JAK1: variants seen among roughly 807,000 people sequenced by gnomAD.
The protein encoded by JAK1 is tyrosine-protein kinase JAK1.
In JAK1, 16 loss-of-function variants were observed where a neutral mutation model predicts 136.6. That is an observed-to-expected ratio of 0.12 (90% CI 0.08 to 0.18). The LOEUF (loss-of-function observed/expected upper bound fraction) is 0.18, where lower values mean the gene tolerates loss of function less well. JAK1 is among the 10% of genes least tolerant of loss of function. The probability of loss-of-function intolerance (pLI) is 1.00; values close to 1 mark genes in which losing one functional copy is unlikely to be tolerated. For missense variants in JAK1, 859 were observed against 1,450.1 expected (o/e 0.59, Z 6.62); for synonymous variants, 492 against 519.5 (o/e 0.95, Z 0.72).
intron 2 of JAK1, among the ~76,000 whole-genome samples, chr1:64,980,768 C>T (rs565321390): frequency 3.3e-4 from 50 of 152,120 alleles, no homozygotes; most frequent in African/African-American, 1.2e-3. Context: ...GTTCCCCTTC[C>T]TGTGTCCGAG....
chr1:65,036,684 G>T (rs951953701), intron 2 of JAK1, among the ~76,000 whole-genome samples: 6 of 152,180 alleles, frequency 3.9e-5, no homozygotes, highest in Non-Finnish European at 5.9e-5. Context: ...CAAGAGTAAA[G>T]AAGAGCTGTG....
At chr1:65,059,598 C>A (rs1202948927) in intron 1 of JAK1, among the ~76,000 whole-genome samples, 1 of 152,102 alleles carries the variant, frequency 6.6e-6, no homozygotes, top group Non-Finnish European at 1.5e-5. Context: ...ATTATCTGTA[C>A]CTTTGAGACG....
At chr1:64,880,182 G>C (rs1367572107) in intron 3 of JAK1, among the ~76,000 whole-genome samples, 1 of 152,170 alleles carries the variant, frequency 6.6e-6, no homozygotes, top group Admixed American at 6.5e-5. Flanking sequence ...AGAAGCTACA[G>C]ATACCTTGGC....
rs907263592 is a variant in JAK1 at position 64,833,525 on chromosome 1, G to T, written c.*1037C>A. 1 of 232,888 alleles carries T rather than the reference G, an allele frequency of 4.3e-6. No homozygotes were observed. Among genetic ancestry groups the T allele is most frequent in the Non-Finnish European group, 8.5e-6 (1 of 117,868 alleles). 14.4% of individuals were successfully genotyped at this position (232,888 alleles called of 1,614,324 possible). On this transcript the variant is annotated 3_prime_UTR_variant, in exon 25 of 25. Coordinates refer to ENST00000342505, the MANE Select transcript of JAK1 (RefSeq NM_002227.4). Reference sequence around the variant, plus strand: ...TTACCCAGCTACCTCCAAGCAAACTGAAAACTGTCTAGTGGATCCTGAAGT... The same window carrying T: ...TTACCCAGCTACCTCCAAGCAAACTTAAAACTGTCTAGTGGATCCTGAAGT...
chr1:65,008,521 T>C (rs571988242), intron 2 of JAK1, among the ~76,000 whole-genome samples: 1 of 152,126 alleles, frequency 6.6e-6, no homozygotes, highest in East Asian at 1.9e-4. Context: ...ATCCTCCCAC[T>C]ATGGCCTCCC....
intron 1 of JAK1, among the ~76,000 whole-genome samples, chr1:65,061,327 G>C (rs998177781): frequency 6.6e-6 from 1 of 152,100 alleles, no homozygotes; most frequent in Non-Finnish European, 1.5e-5. Context: ...GCTTGAACAT[G>C]AAAGGCTGAG....
upstream of JAK1, among the ~76,000 whole-genome samples, chr1:64,970,157 G>A (rs1381393965): frequency 5.0e-4 from 11 of 21,928 alleles, 1 homozygote; most frequent in South Asian, 0.011. Context: ...AAAAAAAAAC[G>A]GCCGGGCACA....
chr1:64,862,288 A>G (rs894861677), intron 8 of JAK1, among the ~76,000 whole-genome samples: 1 of 152,148 alleles, frequency 6.6e-6, no homozygotes, highest in Non-Finnish European at 1.5e-5. Flanking sequence ...ATGGTCAAAT[A>G]TTGGCAATTT....
chr1:64,837,784 ATATC>A, intron 22 of JAK1, 144 bp downstream of exon 22: 1 of 573,274 alleles, frequency 1.7e-6, no homozygotes, highest in Non-Finnish European at 2.9e-6. Context: ...TTGAAGATAA[ATATC>A]AATCAATTCC....
At chr1:64,985,852 C>A in intron 2 of JAK1, 1 of 615,454 alleles carries the variant, frequency 1.6e-6, no homozygotes, top group Non-Finnish European at 3.0e-6. Context: ...ACAAACAGTC[C>A]AACAGAAAAG....
chr1:64,976,942 T>A (rs1021622819), intron 2 of JAK1, among the ~76,000 whole-genome samples: 1 of 152,180 alleles, frequency 6.6e-6, no homozygotes, highest in Non-Finnish European at 1.5e-5. Context: ...CCCTTAAGTC[T>A]GAGCTCCAGA....
Position 64,891,434 on chromosome 1 carries a change from T to C in JAK1, c.-77-5093A>G, listed in dbSNP as rs144213607. ...CTCCAACACTCTTCCTTCTGTAGAC[T>C]GAAAGGACTGTCATTTAAAAAATCA... On this transcript the variant is annotated intron_variant, in intron 1 of 24. Transcript: ENST00000342505. Among the ~76,000 whole-genome samples the C allele has an allele frequency of 3.3e-5, 5 of 152,326 alleles. No homozygotes were observed. In the East Asian group the frequency reaches 7.7e-4, roughly 24 times the overall value.
intron 1 of JAK1, among the ~76,000 whole-genome samples, chr1:65,067,134 G>GGGGCCCGGCC (rs1557784595): frequency 6.6e-6 from 1 of 151,816 alleles, no homozygotes; most frequent in South Asian, 2.1e-4. Context: ...CCGGAGTGCG[G>GGGGCCCGGCC]AGGCCCGGCC....
At chr1:64,858,037 C>T (rs376388365) in intron 9 of JAK1, among the ~76,000 whole-genome samples, 8 of 152,160 alleles carry the variant, frequency 5.3e-5, no homozygotes, top group Admixed American at 2.6e-4. Context: ...TGCTTGTCCC[C>T]GCATTCCCTA....
chr1:65,015,671 A>T (rs1646886752), intron 2 of JAK1, among the ~76,000 whole-genome samples: 1 of 152,220 alleles, frequency 6.6e-6, no homozygotes, highest in South Asian at 2.1e-4. Context: ...ATAGATATTC[A>T]AACAGGTTGA....
chr1:65,001,278 A>G (rs1237670828), intron 2 of JAK1, among the ~76,000 whole-genome samples: 1 of 152,180 alleles, frequency 6.6e-6, no homozygotes, highest in East Asian at 1.9e-4. Context: ...CCACGCGTTT[A>G]TCTTTCACTG....
At chr1:64,865,949 AG>A (rs1570666480) in intron 7 of JAK1, among the ~76,000 whole-genome samples, 2 of 152,218 alleles carry the variant, frequency 1.3e-5, no homozygotes, top group East Asian at 1.9e-4. Flanking sequence ...TTGTAAAGAT[AG>A]GGTTTCACCA....
intron 1 of JAK1, among the ~76,000 whole-genome samples, chr1:65,061,652 A>G (rs978787333): frequency 6.6e-6 from 1 of 152,214 alleles, no homozygotes; most frequent in Non-Finnish European, 1.5e-5. Context: ...ATTCAGTGAT[A>G]CTATATAAAA....
chr1:65,006,028 C>T (rs1043498189), intron 2 of JAK1, among the ~76,000 whole-genome samples: 4 of 152,122 alleles, frequency 2.6e-5, no homozygotes, highest in African/African-American at 9.7e-5. Context: ...TTTCACTAAC[C>T]TTGATGTCTA....
Sources: allele counts gnomAD v4.1 joint callset (sites outside exome capture counted in the v4.1 genomes callset), GRCh38; gene constraint gnomAD v4.1.1; transcripts MANE v1.5; gene names NCBI Gene and HGNC (gene_info 2026-07-23, HGNC 2026-07-21).